The following PRKN variants were observed in gnomAD, a reference collection of about 807,000 sequenced individuals.
The protein encoded by PRKN is parkin RBR E3 ubiquitin protein ligase.
Under a neutral mutation model 59.5 loss-of-function variants are expected in PRKN, and 56 were observed. That is an observed-to-expected ratio of 0.94 (90% CI 0.76 to 1.18). The LOEUF is 1.18. PRKN is among the 50% of genes most tolerant of loss of function. PRKN has a pLI of 0.00. For missense variants in PRKN, 657 were observed against 596.4 expected, an observed-to-expected ratio of 1.10 and a Z score of -1.06; for synonymous variants, 250 against 222.1, an observed-to-expected ratio of 1.13 and a Z score of -1.12.
chr6:161,724,436 T>C (rs1787356061), intron 7 of PRKN, among the ~76,000 whole-genome samples: 2 of 152,212 alleles, frequency 1.3e-5, no homozygotes, highest in South Asian at 2.1e-4. Context: ...AGGAATTGCT[T>C]CTCTCTCAGG....
In PRKN at chr6:161,518,644, T is replaced by G. The variant is rs370145941; in HGVS notation, c.1083+30210A>C. On this transcript the variant is annotated intron_variant, in intron 9 of 11. Transcript: ENST00000366898. The surrounding 1 kb of genome is among the most constrained non-coding windows in gnomAD (Gnocchi z 5.0). ...CTAGCAGCACAAGCCCAGCCTCCGC[T>G]CACCCAGCCCCCTAGTGAGGTGAAC... Among the ~76,000 whole-genome samples, 1 of 152,220 alleles carries G rather than the reference T, an allele frequency of 6.6e-6. No homozygotes were observed. Among genetic ancestry groups the G allele is most frequent in the African/African-American group, 2.4e-5 (1 of 41,462 alleles).
intron 6 of PRKN, among the ~76,000 whole-genome samples, chr6:161,911,490 G>C (rs907431653): frequency 6.6e-6 from 1 of 152,110 alleles, no homozygotes; most frequent in Non-Finnish European, 1.5e-5. Flanking sequence ...CCTGCAACTC[G>C]CCAGATATTT....
chr6:162,521,866 T>C (rs1215684991), intron 1 of PRKN, among the ~76,000 whole-genome samples: 1 of 152,144 alleles, frequency 6.6e-6, no homozygotes, highest in East Asian at 1.9e-4. Context: ...TCATAAATAT[T>C]AGGGGCAAGT....
In PRKN at chr6:162,163,465, A is replaced by T. The variant is rs1234522871; in HGVS notation, c.534+37666T>A. Among the ~76,000 whole-genome samples, 2 of 149,498 alleles carry T rather than the reference A, an allele frequency of 1.3e-5. 1 individual carries two copies. The highest frequency in any genetic ancestry group is 3.9e-4 in the East Asian group (2 of 5,194). On this transcript the variant is annotated intron_variant, in intron 4 of 11. Coordinates refer to ENST00000366898, the MANE Select transcript of PRKN (RefSeq NM_004562.3). ...TTCATAAATATTGGAGGTAAAAAGA[A>T]GAAAAAAGATTATAATGTGTGCTCT... is the stretch of plus-strand genomic sequence containing the variant.
rs150844651 is a variant in PRKN at position 161,428,853 on chromosome 6, C to G, written c.1084-41976G>C. 2.6e-5 allele frequency among the ~76,000 whole-genome samples: 4 copies of G among 152,268 alleles called. No homozygotes were observed. Among genetic ancestry groups the G allele is most frequent in the East Asian group, 3.9e-4 (2 of 5,172 alleles). On this transcript the variant is annotated intron_variant, in intron 9 of 11. Coordinates refer to ENST00000366898, the MANE Select transcript of PRKN (RefSeq NM_004562.3). The surrounding 1 kb of genome is among the most constrained non-coding windows in gnomAD (Gnocchi z 4.0). Reference sequence around the variant, plus strand: ...GACTGTGTAAGTCCTACATGGCCACCCTGCCAGTGTTTCAAGCAGGCCTCT... The same window carrying G: ...GACTGTGTAAGTCCTACATGGCCACGCTGCCAGTGTTTCAAGCAGGCCTCT...
chr6:162,012,993 G>C (rs551857775), intron 5 of PRKN, among the ~76,000 whole-genome samples: 23 of 152,076 alleles, frequency 1.5e-4, no homozygotes, highest in Non-Finnish European at 3.1e-4. Flanking sequence ...GGGCGACAAG[G>C]CTATGCAAAT....
At chr6:162,234,269 G>C (rs905320385) in intron 3 of PRKN, among the ~76,000 whole-genome samples, 2 of 152,192 alleles carry the variant, frequency 1.3e-5, no homozygotes, top group Non-Finnish European at 2.9e-5. Flanking sequence ...GGGCAGAGGT[G>C]GGGAGACAGA....
chr6:162,102,807 G>A (rs1780029186), intron 4 of PRKN, among the ~76,000 whole-genome samples: 1 of 152,066 alleles, frequency 6.6e-6, no homozygotes, highest in Non-Finnish European at 1.5e-5. Context: ...ACTTTGGGAG[G>A]CCGAGGCAGG....
At chr6:162,370,417 T>C (rs1488511691) in intron 2 of PRKN, among the ~76,000 whole-genome samples, 1 of 152,198 alleles carries the variant, frequency 6.6e-6, no homozygotes, top group Non-Finnish European at 1.5e-5. Flanking sequence ...TGTATAAATA[T>C]TCGTCCTTGT....
chr6:161,635,923 T>C (rs529156006), intron 7 of PRKN, among the ~76,000 whole-genome samples: 2 of 152,274 alleles, frequency 1.3e-5, no homozygotes, highest in African/African-American at 4.8e-5. Context: ...GGAGGGGAAG[T>C]GCTTGTAAGA....
At chr6:161,871,399 G>T (rs561769393) in intron 6 of PRKN, among the ~76,000 whole-genome samples, 2 of 152,266 alleles carry the variant, frequency 1.3e-5, no homozygotes, top group African/African-American at 4.8e-5. Context: ...GCCCTTCAGA[G>T]AGAAACTTGT....
intron 2 of PRKN, among the ~76,000 whole-genome samples, chr6:162,387,555 C>CACAGAGAGAGAG (rs1212726833): frequency 2.1e-5 from 2 of 95,630 alleles, no homozygotes; most frequent in African/African-American, 8.2e-5. Flanking sequence ...CACACACACA[C>CACAGAGAGAGAG]AGAGAGAGAG....
At chr6:161,799,772 G>A (rs1428850960) in intron 6 of PRKN, among the ~76,000 whole-genome samples, 1 of 152,228 alleles carries the variant, frequency 6.6e-6, no homozygotes, top group South Asian at 2.1e-4. Flanking sequence ...CACTGCCCAT[G>A]CTGGGTGGCC....
intron 2 of PRKN, among the ~76,000 whole-genome samples, chr6:162,389,350 C>T (rs575268387): frequency 1.3e-5 from 2 of 152,014 alleles, no homozygotes. Flanking sequence ...GTAATGATTG[C>T]CCATGGGGAA....
intron 3 of PRKN, among the ~76,000 whole-genome samples, chr6:162,228,403 G>C (rs193159114): frequency 6.6e-6 from 1 of 152,298 alleles, no homozygotes; most frequent in African/African-American, 2.4e-5. Context: ...AGGGACTAGA[G>C]ACTCTTCTCT....
At chr6:162,317,527 G>A (rs928237018) in intron 2 of PRKN, among the ~76,000 whole-genome samples, 1 of 151,984 alleles carries the variant, frequency 6.6e-6, no homozygotes, top group Non-Finnish European at 1.5e-5. Flanking sequence ...CAGGTAATGA[G>A]GTATGCTAGT....
chr6:161,988,383 G>A (rs1020638860), intron 5 of PRKN, among the ~76,000 whole-genome samples: 6 of 152,072 alleles, frequency 3.9e-5, no homozygotes, highest in Non-Finnish European at 7.4e-5. Context: ...AGCCACTAAG[G>A]AGGCTGAGGC....
intron 1 of PRKN, among the ~76,000 whole-genome samples, chr6:162,632,925 A>T (rs574105706): frequency 2.4e-4 from 36 of 152,148 alleles, no homozygotes; most frequent in Non-Finnish European, 4.7e-4. Context: ...ACATAAGCAA[A>T]GCTGAAATTC....
chr6:161,955,914 C>A (rs9458425), intron 6 of PRKN, among the ~76,000 whole-genome samples: 1 of 151,986 alleles, frequency 6.6e-6, no homozygotes, highest in African/African-American at 2.4e-5. Flanking sequence ...TGAAAGCATG[C>A]GTGCCAGTCA....
Sources: allele counts gnomAD v4.1 joint callset (sites outside exome capture counted in the v4.1 genomes callset), GRCh38; gene constraint gnomAD v4.1.1; non-coding constraint Gnocchi (gnomAD v3.1); transcripts MANE v1.5; gene names NCBI Gene and HGNC (gene_info 2026-07-23, HGNC 2026-07-21).